The following CDK10 variants were observed in gnomAD, a reference collection of about 807,000 sequenced individuals.
The protein encoded by CDK10 is cyclin dependent kinase 10, also known as cyclin-dependent kinase 10.
CDK10 carries 55 observed loss-of-function variants against 51.0 expected under a neutral mutation model. That is an observed-to-expected ratio of 1.08 (90% CI 0.87 to 1.35). The LOEUF (loss-of-function observed/expected upper bound fraction) is 1.35, where lower values mean the gene tolerates loss of function less well. Among genes scored for constraint, CDK10 ranks in the 40% most tolerant of loss-of-function variants. CDK10 has a pLI of 0.00. For synonymous variants in CDK10, 255 were observed against 199.1 expected (o/e 1.28, Z -2.36); for missense variants, 589 against 485.1 (o/e 1.21, Z -2.01).
At chr16:89,695,530 GACC>G in intron 12 of CDK10, 62 bp from the exon 13 acceptor site, 1 of 1,551,460 alleles carries the variant, frequency 6.4e-7, no homozygotes. Context: ...GCTGGACTCA[GACC>G]TGGGCCTGCT....
Position 89,695,636 on chromosome 16 carries a change from A to G in CDK10, c.1027A>G (p.Asn343Asp). The G allele has an allele frequency of 1.9e-6, 3 of 1,606,070 alleles. No individual in the cohort carries two copies. Among genetic ancestry groups the G allele is most frequent in the Non-Finnish European group, 2.5e-6 (3 of 1,177,816 alleles). The stretch of plus-strand genomic sequence containing the variant: ...CATGCCGACCTTTCCCCACCACCGC[A>G]ACAAGCGGGCCGCCCCAGCCACCTC... ...ELMPTFPHHRNKRAAPATSEG... is the reference protein window; with the variant it reads ...ELMPTFPHHRDKRAAPATSEG... The change falls in exon 13 of 13, where the codon AAC (asparagine) becomes GAC (aspartate). Residue 343 changes from asparagine (N) to aspartate (D), a missense_variant. Asn to Asp is a conservative substitution (Grantham distance 23, BLOSUM62 1). Transcript: ENST00000353379.
At chr16:89,694,026 C>T in intron 8 of CDK10, 147 bp from the exon 9 acceptor site, 1 of 753,576 alleles carries the variant, frequency 1.3e-6, no homozygotes, top group Non-Finnish European at 2.3e-6. Context: ...TGTGTGCCAC[C>T]TGGATCTGCA....
intron 5 of CDK10, chr16:89,692,169 C>T (rs1225969650): frequency 7.1e-6 from 4 of 560,930 alleles, no homozygotes; most frequent in Non-Finnish European, 1.2e-5. Flanking sequence ...CACTGGTTTC[C>T]TGGGCTGCTG....
rs113317397 is a variant in CDK10 at position 89,693,590 on chromosome 16, A to G, written c.608+123A>G. On this transcript the variant is annotated intron_variant, in intron 8 of 12. Transcript: ENST00000353379. Reference sequence around the variant, plus strand: ...ATGTTAAGCTACAGGGTCTGTGCACACTCAGAAACGTTGGGTCTAGGACAG... The same window carrying G: ...ATGTTAAGCTACAGGGTCTGTGCACGCTCAGAAACGTTGGGTCTAGGACAG... The G allele has an allele frequency of 4.9e-3, 4,704 of 954,286 alleles. 159 individuals carry two copies. The African/African-American group carries it at 0.07, about 14-fold the overall frequency. The allele number at this position is 954,286 out of a possible 1,614,324, so 59.1% of individuals were successfully genotyped here.
In CDK10 at chr16:89,694,076, C is replaced by G. The variant is rs2060580274; in HGVS notation, c.609-97C>G. On this transcript the variant is annotated intron_variant, in intron 8 of 12. Coordinates refer to ENST00000353379, the MANE Select transcript of CDK10 (RefSeq NM_052988.5). ...GGGTGGTCCGAGTTGGGACAGGTTT[C>G]CAGGCCACCACAGGCTCTCGGGGAG... is the stretch of plus-strand genomic sequence containing the variant. 7.8e-6 allele frequency: 10 copies of G among 1,280,768 alleles called. No homozygotes were observed. In the African/African-American group the frequency reaches 1.0e-4, roughly 13 times the overall value. 79.3% of individuals were successfully genotyped at this position (1,280,768 alleles called of 1,614,324 possible).
chr16:89,691,560 G>C lies in CDK10; in HGVS notation c.335+15G>C, dbSNP rs780908690. The C allele has an allele frequency of 3.7e-6, 6 of 1,601,466 alleles. No individual in the cohort carries two copies. The highest frequency in any genetic ancestry group is 5.1e-6 in the Non-Finnish European group (6 of 1,169,680). On this transcript the variant is annotated intron_variant, in intron 4 of 12. Transcript: ENST00000353379. ...CACCTGGAGAGGTACGTGGTCTCCT[G>C]GTCTGCACATTGGGCCCTAGGGAGC...
At chr16:89,690,825 C>T (rs1567515093) in intron 3 of CDK10, among the ~76,000 whole-genome samples, 1 of 152,124 alleles carries the variant, frequency 6.6e-6, no homozygotes, top group Non-Finnish European at 1.5e-5. Flanking sequence ...CAGTCTCCAT[C>T]CCCTCCTCCC....
chr16:89,694,063 T>C, intron 8 of CDK10, 110 bp from the exon 9 acceptor site: 2 of 1,080,422 alleles, frequency 1.9e-6, no homozygotes, highest in Non-Finnish European at 2.8e-6. Flanking sequence ...GTGGTCCGAG[T>C]TGGGACAGGT....
chr16:89,693,415 C>G lies in CDK10; in HGVS notation c.556C>G (p.Arg186Gly), dbSNP rs573212914. 1.2e-6 allele frequency: 2 copies of G among 1,614,180 alleles called. No homozygotes were observed. Among genetic ancestry groups the G allele is most frequent in the Non-Finnish European group, 1.7e-6 (2 of 1,180,036 alleles). ...CVKTADFGLA[R>G]AYGVPVKPMT... ...TGCTGCAGCGGATTTCGGCCTGGCC[C>G]GGGCCTATGGTGTCCCAGTAAAGCC... The change falls in exon 8 of 13, where the codon CGG (arginine) becomes GGG (glycine). Residue 186 changes from arginine (R) to glycine (G), a missense_variant. Arg to Gly is a moderately radical substitution (Grantham distance 125, BLOSUM62 -2). Transcript: ENST00000353379.
At position 89,694,749 on chromosome 16, in the gene CDK10, C is replaced by T. The variant is rs760619878; in HGVS notation, c.753C>T (p.Ile251=). The change falls in exon 10 of 13, where the codon ATC becomes ATT. Residue 251 remains isoleucine (I), a synonymous_variant. Transcript: ENST00000353379. The part of the protein sequence containing the change: ...GTSEIHQIDL[I]VQLLGTPSEN... ...CCGAGATCCACCAGATCGACTTGAT[C>T]GTGCAGCTGCTGGGCACGCCCAGTG... 1.3e-5 allele frequency: 21 copies of T among 1,571,958 alleles called. No homozygotes were observed. Among genetic ancestry groups the T allele is most frequent in the South Asian group, 1.0e-4 (9 of 85,808 alleles).
intron 2 of CDK10, chr16:89,690,184 A>G (rs988879057): frequency 6.5e-5 from 15 of 232,322 alleles, no homozygotes; most frequent in Admixed American, 5.6e-4. Context: ...CACACAAAAT[A>G]AGGTTTGCTT....
chr16:89,692,118 G>T, intron 5 of CDK10: 1 of 582,162 alleles, frequency 1.7e-6, no homozygotes, highest in Non-Finnish European at 3.0e-6. Flanking sequence ...TTCCTGGGCT[G>T]TTGGGAGCAG....
At chr16:89,687,014 T>G (rs2060221518) in intron 1 of CDK10, 1 of 474,792 alleles carries the variant, frequency 2.1e-6, no homozygotes. Context: ...CGGGGCGGGC[T>G]CAGGGATGCC....
intron 9 of CDK10, 174 bp from the exon 10 acceptor site, chr16:89,694,491 G>T: frequency 8.2e-7 from 1 of 1,221,738 alleles, no homozygotes; most frequent in East Asian, 2.5e-5. Context: ...CGGGAGGCCT[G>T]CGGGGCCCAG....
chr16:89,693,133 G>C, intron 6 of CDK10, 141 bp from the exon 7 acceptor site: 1 of 662,066 alleles, frequency 1.5e-6, no homozygotes, highest in Middle Eastern at 4.3e-4. Flanking sequence ...GTGAGACTCT[G>C]TCTCAAAAAA....
At chr16:89,691,292 A>C in intron 3 of CDK10, 151 bp from the exon 4 acceptor site, 1 of 560,318 alleles carries the variant, frequency 1.8e-6, no homozygotes, top group Non-Finnish European at 3.1e-6. Flanking sequence ...TCAAAAAAAA[A>C]AAAATGCTTA....
intron 4 of CDK10, 55 bp from the exon 5 acceptor site, chr16:89,691,751 C>T (rs1314368827): frequency 5.2e-6 from 8 of 1,538,236 alleles, no homozygotes; most frequent in South Asian, 1.1e-5. Flanking sequence ...GGAGGCTCCA[C>T]TTCCACCCCT....
intron 2 of CDK10, 69 bp from the exon 3 acceptor site, chr16:89,690,484 C>G: frequency 7.2e-7 from 1 of 1,390,972 alleles, no homozygotes; most frequent in Non-Finnish European, 1.0e-6. Flanking sequence ...GGGAGAGCCT[C>G]CCGTTCAGCG....
intron 1 of CDK10, chr16:89,687,348 G>T: frequency 2.4e-6 from 1 of 411,460 alleles, no homozygotes; most frequent in South Asian, 1.7e-5. Context: ...CACGGCTGGT[G>T]GGGGTGGAGA....
Sources: allele counts gnomAD v4.1 joint callset (sites outside exome capture counted in the v4.1 genomes callset), GRCh38; gene constraint gnomAD v4.1.1; transcripts MANE v1.5; gene names NCBI Gene and HGNC (gene_info 2026-07-23, HGNC 2026-07-21).